The following CSMD1 variants were observed in gnomAD, a reference collection of about 807,000 sequenced individuals.
The protein encoded by CSMD1 is CUB and Sushi multiple domains 1.
CSMD1 carries 213 observed loss-of-function variants against 417.5 expected under a neutral mutation model. The ratio of observed to expected loss-of-function variants is 0.51; its 90% CI spans 0.46 to 0.57. The LOEUF is 0.57. Ranked by LOEUF, CSMD1 falls within the 20% of genes least tolerant of loss-of-function variation. The pLI, the probability that CSMD1 is intolerant of heterozygous loss-of-function variation, is 0.00. For synonymous variants in CSMD1, 2,862 were observed against 1,736.8 expected (o/e 1.65, Z -16.11); for missense variants, 6,923 against 4,529.7 (o/e 1.53, Z -15.17).
chr8:4,676,967 A>G lies in CSMD1; in HGVS notation c.86-39409T>C, dbSNP rs1361898039. Among the ~76,000 whole-genome samples the G allele has an allele frequency of 3.4e-5, 5 of 146,746 alleles. No individual in the cohort carries two copies. The East Asian group carries it at 7.8e-4, about 23-fold the overall frequency. On this transcript the variant is annotated intron_variant, in intron 1 of 69. Transcript: ENST00000635120. ...GAGAAATTATATATATCTATCATATATAATATATATTATATATTTTATATA... is the reference window on the plus strand; with the variant it reads ...GAGAAATTATATATATCTATCATATGTAATATATATTATATATTTTATATA...
Position 4,844,408 on chromosome 8 carries a change from G to A in CSMD1, c.85+149924C>T, listed in dbSNP as rs193275608. The stretch of plus-strand genomic sequence containing the variant: ...GAAATTAACAGATCTGAATATGGAT[G>A]CTACAGCTTTCACCCACTCCTTTTA... On this transcript the variant is annotated intron_variant, in intron 1 of 69. Coordinates refer to ENST00000635120, the MANE Select transcript of CSMD1 (RefSeq NM_033225.6). Among the ~76,000 whole-genome samples the A allele has an allele frequency of 2.0e-5, 3 of 152,198 alleles. No individual in the cohort carries two copies. In the East Asian group the frequency reaches 5.8e-4, roughly 29 times the overall value.
At chr8:4,123,521 G>A (rs998312397) in intron 3 of CSMD1, among the ~76,000 whole-genome samples, 1 of 152,144 alleles carries the variant, frequency 6.6e-6, no homozygotes, top group Non-Finnish European at 1.5e-5. Flanking sequence ...TGTTTTCTTT[G>A]ATGATTAACA....
Position 3,151,436 on chromosome 8 carries a change from A to G in CSMD1, c.5992T>C (p.Leu1998=). ...PGFPGSYPNN[L]DCTWRISLPI... is the part of the protein sequence containing the mutation. Reference sequence around the variant, plus strand: ...AATGAGATCCTCCAGGTGCAGTCTAAGTTGTTGGGGTAAGAACCTGGGAAG... The same window carrying G: ...AATGAGATCCTCCAGGTGCAGTCTAGGTTGTTGGGGTAAGAACCTGGGAAG... The change falls in exon 40 of 70, where the codon TTA becomes CTA. Residue 1998 remains leucine, a synonymous_variant. Transcript: ENST00000635120. 6.2e-7 allele frequency: 1 copy of G among 1,613,748 alleles called. No individual in the cohort carries two copies.
intron 3 of CSMD1, among the ~76,000 whole-genome samples, chr8:4,356,430 A>C (rs896320468): frequency 6.6e-6 from 1 of 152,164 alleles, no homozygotes; most frequent in Non-Finnish European, 1.5e-5. Flanking sequence ...GCTACTATAA[A>C]CATGCATGTA....
intron 1 of CSMD1, among the ~76,000 whole-genome samples, chr8:4,777,835 T>C (rs1796944502): frequency 6.6e-6 from 1 of 152,168 alleles, no homozygotes; most frequent in African/African-American, 2.4e-5. Context: ...CATCTACAAA[T>C]CTCAACTAAC....
In CSMD1 at chr8:4,182,985, C is replaced by G. The variant is rs574430377; in HGVS notation, c.416-150886G>C. The stretch of plus-strand genomic sequence containing the variant: ...AGAAAGAGGCAAGGAAAGGAAGGAT[C>G]AAAGTCTTTCAAGTAAAGAGTAATT... On this transcript the variant is annotated intron_variant, in intron 3 of 69. Coordinates refer to ENST00000635120, the MANE Select transcript of CSMD1 (RefSeq NM_033225.6). 5.3e-5 allele frequency among the ~76,000 whole-genome samples: 8 copies of G among 152,152 alleles called. No homozygotes were observed. In the South Asian group the frequency reaches 1.5e-3, roughly 28 times the overall value.
intron 3 of CSMD1, among the ~76,000 whole-genome samples, chr8:4,328,344 C>G (rs1799676100): frequency 1.3e-5 from 2 of 149,440 alleles, no homozygotes; most frequent in African/African-American, 4.9e-5. Context: ...TGAGACTTCT[C>G]TCTTTCTTAG....
At chr8:3,049,479 C>G (rs571063071) in intron 50 of CSMD1, among the ~76,000 whole-genome samples, 3 of 152,080 alleles carry the variant, frequency 2.0e-5, no homozygotes, top group Admixed American at 6.5e-5. Flanking sequence ...AGAAGCCAAT[C>G]TGAAAGGCTA....
chr8:4,007,590 C>A (rs1215663806), intron 4 of CSMD1, among the ~76,000 whole-genome samples: 1 of 152,194 alleles, frequency 6.6e-6, no homozygotes, highest in Non-Finnish European at 1.5e-5. Flanking sequence ...GAGTGCAAAG[C>A]AATGGAATGC....
intron 15 of CSMD1, among the ~76,000 whole-genome samples, chr8:3,400,789 A>T (rs1811993076): frequency 1.3e-5 from 2 of 151,380 alleles, no homozygotes; most frequent in Non-Finnish European, 3.0e-5. Flanking sequence ...TGCTTTATAG[A>T]TCATATTTTT....
At chr8:4,653,070 T>A (rs558787368) in intron 1 of CSMD1, among the ~76,000 whole-genome samples, 16 of 152,072 alleles carry the variant, frequency 1.1e-4, no homozygotes, top group African/African-American at 3.1e-4. Flanking sequence ...GGGACCCCGC[T>A]CTAGAGGATG....
At chr8:4,940,145 G>A (rs921323565) in intron 1 of CSMD1, among the ~76,000 whole-genome samples, 2 of 152,082 alleles carry the variant, frequency 1.3e-5, no homozygotes, top group Non-Finnish European at 2.9e-5. Context: ...AGCAGGGAGG[G>A]GTCAGGGGAG....
In CSMD1 at chr8:2,951,733, C is replaced by T. The variant is rs181891493; in HGVS notation, c.10040-458G>A. On this transcript the variant is annotated intron_variant, in intron 65 of 69. Coordinates refer to ENST00000635120, the MANE Select transcript of CSMD1 (RefSeq NM_033225.6). ...TGATATATATAATACGAGAGCAATG[C>T]CCTGTCTCGAAAAAGCTTACATATC... 1.6e-3 allele frequency among the ~76,000 whole-genome samples: 237 copies of T among 152,232 alleles called. 1 individual carries two copies. Among genetic ancestry groups the T allele is most frequent in the African/African-American group, 5.0e-3 (208 of 41,538 alleles).
chr8:3,834,284 T>C (rs1802543643), intron 5 of CSMD1, among the ~76,000 whole-genome samples: 1 of 152,176 alleles, frequency 6.6e-6, no homozygotes, highest in African/African-American at 2.4e-5. Context: ...CTCTTCCAAC[T>C]GACATTCCAT....
At chr8:3,037,914 T>C (rs1445161649) in intron 50 of CSMD1, among the ~76,000 whole-genome samples, 2 of 152,214 alleles carry the variant, frequency 1.3e-5, no homozygotes, top group Non-Finnish European at 2.9e-5. Context: ...AACACTGTCA[T>C]ATTCTTAGGG....
intron 4 of CSMD1, among the ~76,000 whole-genome samples, chr8:4,020,409 GT>G (rs1218720102): frequency 2.6e-5 from 4 of 152,184 alleles, no homozygotes; most frequent in Non-Finnish European, 5.9e-5. Context: ...CATGACATCT[GT>G]TCAAAATATT....
intron 1 of CSMD1, among the ~76,000 whole-genome samples, chr8:4,911,130 G>C (rs1399879683): frequency 6.6e-6 from 1 of 152,132 alleles, no homozygotes; most frequent in African/African-American, 2.4e-5. Context: ...TCTTTCTTTT[G>C]TAAATTCTCC....
chr8:4,585,097 AG>A (rs1308305106), intron 2 of CSMD1, among the ~76,000 whole-genome samples: 28 of 122,696 alleles, frequency 2.3e-4, no homozygotes, highest in Non-Finnish European at 3.4e-4. Flanking sequence ...TCAAAAACTG[AG>A]AAAAAAAAAA....
chr8:3,239,736 A>C (rs1185120404), intron 26 of CSMD1, among the ~76,000 whole-genome samples: 2 of 152,330 alleles, frequency 1.3e-5, no homozygotes, highest in East Asian at 3.9e-4. Context: ...TGGGGCGATT[A>C]GGCCTGGTGG....
Sources: allele counts gnomAD v4.1 joint callset (sites outside exome capture counted in the v4.1 genomes callset), GRCh38; gene constraint gnomAD v4.1.1; transcripts MANE v1.5; gene names NCBI Gene and HGNC (gene_info 2026-07-23, HGNC 2026-07-21).